The following TSGA10IP variants were observed in gnomAD, a reference collection of about 807,000 sequenced individuals.
The protein encoded by TSGA10IP is testis-specific protein 10-interacting protein.
A neutral mutation model predicts 63.2 loss-of-function variants in TSGA10IP; 64 were observed. The observed-to-expected ratio is 1.01, with a 90% CI of 0.83 to 1.25. The LOEUF is 1.25. TSGA10IP is among the 50% of genes most tolerant of loss of function. TSGA10IP has a pLI of 0.00. For missense variants in TSGA10IP, 681 were observed against 710.1 expected (o/e 0.96, Z 0.47); for synonymous variants, 316 against 298.3 (o/e 1.06, Z -0.61).
At chr11:65,949,052 AG>A (rs1854897884) in intron 4 of TSGA10IP, among the ~76,000 whole-genome samples, 1 of 151,882 alleles carries the variant, frequency 6.6e-6, no homozygotes. Context: ...GAAAAAAAAA[AG>A]ATTAGCCTGG....
chr11:65,948,495 C>T (rs1359835514), intron 4 of TSGA10IP, among the ~76,000 whole-genome samples: 3 of 152,142 alleles, frequency 2.0e-5, no homozygotes, highest in Admixed American at 6.6e-5. Flanking sequence ...TACTCATGGG[C>T]CCTTAGGATA....
At chr11:65,946,409 G>A in intron 1 of TSGA10IP, among the ~76,000 whole-genome samples, 1 of 151,970 alleles carries the variant, frequency 6.6e-6, no homozygotes, top group East Asian at 1.9e-4. Flanking sequence ...GCAGAACGGA[G>A]GTGGTGCTCG....
chr11:65,945,795 G>A, exon 1 of TSGA10IP: 3 of 1,613,974 alleles, frequency 1.9e-6, no homozygotes, highest in Non-Finnish European at 2.5e-6. Context: ...TGCTCAAGCT[G>A]CTGTCGACCG....
At chr11:65,949,571 C>T (rs1854907121) in intron 4 of TSGA10IP, among the ~76,000 whole-genome samples, 1 of 152,008 alleles carries the variant, frequency 6.6e-6, no homozygotes, top group Admixed American at 6.6e-5. Context: ...AGCCCACCAC[C>T]ACGCCTGGCT....
In TSGA10IP at chr11:65,953,632, C is replaced by T. The variant is rs753275274; in HGVS notation, c.1217C>T (p.Ala406Val). The change falls in exon 5 of 8, where the codon GCC becomes GTC. Residue 406 changes from alanine to valine, a missense_variant. By Grantham distance (64) the Ala-to-Val change is moderately conservative. Transcript: ENST00000532620. ...CGGCAGCAGGCCGAGCTGCGGCGGG[C>T]CCGGACACAGCATGTACAGCGGCAG... 49 of 1,589,518 alleles carry T rather than the reference C, an allele frequency of 3.1e-5. No homozygotes were observed. In the Admixed American group the frequency reaches 7.9e-4, roughly 26 times the overall value.
intron 5 of TSGA10IP, among the ~76,000 whole-genome samples, chr11:65,957,816 C>T (rs1393178694): frequency 6.6e-6 from 1 of 152,218 alleles, no homozygotes; most frequent in Admixed American, 6.5e-5. Context: ...CAAGGCCTCT[C>T]TTACATGCTT....
At chr11:65,953,699 G>C (rs752229073) in exon 5 of TSGA10IP, 3 of 1,574,292 alleles carry the variant, frequency 1.9e-6, no homozygotes, top group Admixed American at 1.8e-5. Flanking sequence ...GAGGGAGCCG[G>C]GGCCCTGGGG....
At chr11:65,956,090 T>G (rs1460558847) in intron 5 of TSGA10IP, among the ~76,000 whole-genome samples, 3 of 151,714 alleles carry the variant, frequency 2.0e-5, no homozygotes, top group African/African-American at 7.3e-5. Flanking sequence ...TTAAGGCCAC[T>G]GACGGCTCAG....
At chr11:65,956,964 C>A (rs1473615519) in intron 5 of TSGA10IP, among the ~76,000 whole-genome samples, 2 of 152,188 alleles carry the variant, frequency 1.3e-5, no homozygotes, top group Non-Finnish European at 2.9e-5. Context: ...AGGTATCTCC[C>A]ATGCAGTCTC....
chr11:65,958,869 T>C lies in TSGA10IP; in HGVS notation c.1323-14T>C. The C allele has an allele frequency of 6.2e-7, 1 of 1,608,294 alleles. No individual in the cohort carries two copies. Among genetic ancestry groups the C allele is most frequent in the Non-Finnish European group, 8.5e-7 (1 of 1,177,272 alleles). On this transcript the variant is annotated splice_polypyrimidine_tract_variant and intron_variant, in intron 5 of 7. Coordinates refer to ENST00000532620, the Ensembl canonical transcript of TSGA10IP. ...GTCCATGGTTAGCTGCACAAAGGCC[T>C]GTCTCCCCTGCAGGCGCCAGGAGCG...
At chr11:65,950,705 G>A (rs1377764863) in intron 4 of TSGA10IP, among the ~76,000 whole-genome samples, 1 of 152,028 alleles carries the variant, frequency 6.6e-6, no homozygotes, top group Non-Finnish European at 1.5e-5. Flanking sequence ...TGGGACTACA[G>A]GCACCCGCCA....
chr11:65,957,132 C>T (rs1855037942), intron 5 of TSGA10IP, among the ~76,000 whole-genome samples: 1 of 152,178 alleles, frequency 6.6e-6, no homozygotes, highest in African/African-American at 2.4e-5. Context: ...ATAGGCACCA[C>T]TTCCCTTTCT....
intron 1 of TSGA10IP, among the ~76,000 whole-genome samples, 182 bp from the exon 2 acceptor site, chr11:65,946,698 G>A (rs189127914): frequency 2.6e-5 from 4 of 152,326 alleles, no homozygotes; most frequent in Admixed American, 1.3e-4. Flanking sequence ...GCCTCCCAAA[G>A]TGCTGGGGTT....
chr11:65,947,202 G>A, exon 3 of TSGA10IP: 1 of 1,607,652 alleles, frequency 6.2e-7, no homozygotes, highest in South Asian at 1.1e-5. Context: ...CTTCAGCCAA[G>A]CTCCCCAACC....
chr11:65,948,973 TCAAACGAACAAA>T (rs1487413020), intron 4 of TSGA10IP, among the ~76,000 whole-genome samples: 1 of 151,502 alleles, frequency 6.6e-6, no homozygotes, highest in East Asian at 1.9e-4. Context: ...AGACTCTGTC[TCAAACGAACAAA>T]CAAACGAACA....
At chr11:65,953,421 C>A in intron 4 of TSGA10IP, 146 bp from the exon 5 acceptor site, 1 of 1,145,182 alleles carries the variant, frequency 8.7e-7, no homozygotes, top group Non-Finnish European at 1.2e-6. Flanking sequence ...CATGGACTTC[C>A]ATGACAAACC....
At chr11:65,959,413 C>A in intron 7 of TSGA10IP, 99 bp downstream of exon 7, 1 of 1,510,684 alleles carries the variant, frequency 6.6e-7, no homozygotes. Flanking sequence ...TCCCCCAGGA[C>A]AGGCAGAGAG....
At chr11:65,953,030 C>CTTT (rs543769953) in intron 4 of TSGA10IP, among the ~76,000 whole-genome samples, 17 of 133,656 alleles carry the variant, frequency 1.3e-4, no homozygotes, top group African/African-American at 2.5e-4. Flanking sequence ...TTCTTTCTTT[C>CTTT]TTTTTTTTTT....
intron 5 of TSGA10IP, among the ~76,000 whole-genome samples, chr11:65,954,416 C>T (rs1854992347): frequency 6.6e-6 from 1 of 151,574 alleles, no homozygotes; most frequent in African/African-American, 2.4e-5. Context: ...CCTCGTGATC[C>T]ACCCGCCTCA....
Sources: gnomAD v4.1 joint callset for allele counts (sites outside exome capture counted in the v4.1 genomes callset) on GRCh38, gnomAD v4.1.1 for gene constraint, MANE v1.5 for transcripts, NCBI Gene and HGNC (gene_info 2026-07-23, HGNC 2026-07-21) for gene names.